AUTS2: variants seen among roughly 807,000 people sequenced by gnomAD.
AUTS2 encodes autism susceptibility gene 2 protein.
Under a neutral mutation model 112.4 loss-of-function variants are expected in AUTS2, and 17 were observed. The observed-to-expected ratio is 0.15, with a 90% CI of 0.10 to 0.23. The LOEUF is 0.23. Among genes scored for constraint, AUTS2 ranks in the 10% least tolerant of loss-of-function variants. The pLI is 1.00. For missense variants in AUTS2, 1,510 were observed against 1,701.6 expected, an observed-to-expected ratio of 0.89 and a Z score of 1.98; for synonymous variants, 751 against 702.7, an observed-to-expected ratio of 1.07 and a Z score of -1.09.
At chr7:69,861,949 G>A (rs545115663) in intron 1 of AUTS2, among the ~76,000 whole-genome samples, 1 of 152,238 alleles carries the variant, frequency 6.6e-6, no homozygotes, top group South Asian at 2.1e-4. Context: ...CTGGAATCCT[G>A]TGCCTCATAA....
At chr7:70,662,918 G>C (rs1367864866) in intron 5 of AUTS2, among the ~76,000 whole-genome samples, 1 of 152,192 alleles carries the variant, frequency 6.6e-6, no homozygotes, top group Admixed American at 6.5e-5. Flanking sequence ...CCTAGTTGTG[G>C]AAGAAAAGAT....
At chr7:70,506,490 C>A (rs1295347088) in intron 5 of AUTS2, among the ~76,000 whole-genome samples, 2 of 152,176 alleles carry the variant, frequency 1.3e-5, no homozygotes, top group African/African-American at 4.8e-5. Flanking sequence ...GTAGTTCAAA[C>A]CATCTGCCTA....
chr7:70,258,758 A>C (rs1288921162), intron 4 of AUTS2, among the ~76,000 whole-genome samples: 1 of 152,242 alleles, frequency 6.6e-6, no homozygotes, highest in Non-Finnish European at 1.5e-5. Flanking sequence ...GATAGTGGAC[A>C]AGGTAAACTT....
chr7:70,435,653 C>T, intron 4 of AUTS2, 99 bp from the exon 5 acceptor site: 1 of 1,191,928 alleles, frequency 8.4e-7, no homozygotes, highest in Admixed American at 1.8e-5. Context: ...CTTTACTTAT[C>T]TTGCACTTTT....
chr7:70,522,169 T>C (rs1019843782), intron 5 of AUTS2, among the ~76,000 whole-genome samples: 1 of 152,238 alleles, frequency 6.6e-6, no homozygotes, highest in Admixed American at 6.5e-5. Flanking sequence ...TTTTTACTTA[T>C]TTATACCTTT....
intron 2 of AUTS2, among the ~76,000 whole-genome samples, chr7:70,063,357 C>A (rs898312289): frequency 6.6e-6 from 1 of 151,584 alleles, no homozygotes; most frequent in Admixed American, 6.6e-5. Flanking sequence ...TATAAAAATC[C>A]ATTTACACAT....
chr7:70,149,643 CT>C (rs1807320400), intron 4 of AUTS2, among the ~76,000 whole-genome samples: 1 of 151,896 alleles, frequency 6.6e-6, no homozygotes. Context: ...AGATAGTCTT[CT>C]CTGTAGATTA....
chr7:69,751,548 G>C (rs1264816455), intron 1 of AUTS2, among the ~76,000 whole-genome samples: 1 of 152,144 alleles, frequency 6.6e-6, no homozygotes, highest in African/African-American at 2.4e-5. Flanking sequence ...GCAGGTGGAA[G>C]GTAAGAAGGG....
chr7:70,640,572 GGTGTGTGTGT>G (rs56257017), intron 5 of AUTS2, among the ~76,000 whole-genome samples: 2 of 150,098 alleles, frequency 1.3e-5, no homozygotes, highest in African/African-American at 2.5e-5. Flanking sequence ...CAGAACTAAT[GGTGTGTGTGT>G]GTGTGTGTGT....
rs118190300 is a variant in AUTS2 at position 70,383,892 on chromosome 7, C to G, written c.661-51860C>G. The stretch of plus-strand genomic sequence containing the variant: ...GACAAAATACCTAACCACCATGAGA[C>G]AAGCCACTTCTGCATTATTCTGTAC... On this transcript the variant is annotated intron_variant, in intron 4 of 18. Coordinates refer to ENST00000342771, the MANE Select transcript of AUTS2 (RefSeq NM_015570.4). 1.9e-3 allele frequency among the ~76,000 whole-genome samples: 290 copies of G among 152,352 alleles called. 8 individuals carry two copies. The East Asian group carries it at 0.05, about 26-fold the overall frequency.
intron 4 of AUTS2, among the ~76,000 whole-genome samples, chr7:70,372,334 T>C (rs1259361444): frequency 6.6e-6 from 1 of 152,180 alleles, no homozygotes; most frequent in African/African-American, 2.4e-5. Flanking sequence ...GAGGAAGATA[T>C]CCTAGTACTT....
intron 5 of AUTS2, among the ~76,000 whole-genome samples, chr7:70,650,971 G>T (rs1384343516): frequency 6.6e-6 from 1 of 152,224 alleles, no homozygotes; most frequent in African/African-American, 2.4e-5. Context: ...TCAATGGACA[G>T]AGAGGAAGGA....
chr7:70,071,526 A>G (rs1035328014), intron 2 of AUTS2, among the ~76,000 whole-genome samples: 9 of 152,122 alleles, frequency 5.9e-5, no homozygotes, highest in African/African-American at 2.2e-4. Flanking sequence ...TATCATCGAC[A>G]CAGTAGTGGG....
At chr7:69,847,616 G>C (rs187075215) in intron 1 of AUTS2, among the ~76,000 whole-genome samples, 1 of 152,102 alleles carries the variant, frequency 6.6e-6, no homozygotes, top group South Asian at 2.1e-4. Flanking sequence ...CAAAAGGCCG[G>C]TGCCCCTGGA....
intron 2 of AUTS2, among the ~76,000 whole-genome samples, chr7:69,955,983 A>T (rs991123085): frequency 1.3e-5 from 2 of 152,148 alleles, no homozygotes; most frequent in East Asian, 3.9e-4. Flanking sequence ...CAACAACTTC[A>T]TAAGTATCAT....
intron 1 of AUTS2, among the ~76,000 whole-genome samples, chr7:69,693,947 T>G (rs1423639259): frequency 1.3e-5 from 2 of 152,180 alleles, no homozygotes; most frequent in Non-Finnish European, 2.9e-5. Flanking sequence ...CTGCTAAAAC[T>G]TGGGAACCAC....
chr7:70,719,805 C>G (rs971274107), intron 6 of AUTS2, among the ~76,000 whole-genome samples: 2 of 152,142 alleles, frequency 1.3e-5, no homozygotes, highest in Non-Finnish European at 2.9e-5. Context: ...AGTCTAGACT[C>G]TAAGCTGGTT....
intron 4 of AUTS2, among the ~76,000 whole-genome samples, chr7:70,183,599 G>A (rs891830506): frequency 6.6e-6 from 1 of 152,188 alleles, no homozygotes; most frequent in Non-Finnish European, 1.5e-5. Flanking sequence ...CCTGCTGTGT[G>A]CAGACGCTAA....
chr7:70,351,049 CTTCT>C (rs1474526438), intron 4 of AUTS2, among the ~76,000 whole-genome samples: 11 of 141,020 alleles, frequency 7.8e-5, no homozygotes, highest in African/African-American at 1.9e-4. Context: ...ATTTTGTCTT[CTTCT>C]TTTTTTTTTT....
Sources: allele counts gnomAD v4.1 joint callset (sites outside exome capture counted in the v4.1 genomes callset), GRCh38; gene constraint gnomAD v4.1.1; transcripts MANE v1.5; gene names NCBI Gene and HGNC (gene_info 2026-07-23, HGNC 2026-07-21).